DMD: variants seen among roughly 807,000 people sequenced by gnomAD.
DMD encodes dystrophin, also known as mutant dystrophin.
DMD carries 63 observed loss-of-function variants against 330.1 expected under a neutral mutation model. The ratio of observed to expected loss-of-function variants is 0.19; its 90% CI spans 0.16 to 0.24. The LOEUF is 0.24. Among genes scored for constraint, DMD ranks in the 10% least tolerant of loss-of-function variants. The pLI is 1.00. For missense variants in DMD, 3,344 were observed against 2,684.1 expected (o/e 1.25, Z -5.43); for synonymous variants, 1,223 against 959.8 (o/e 1.27, Z -5.07).
intron 60 of DMD, among the ~76,000 whole-genome samples, chrX:31,385,202 G>A (rs757772141): frequency 1.8e-5 from 2 of 111,610 alleles, no homozygotes; most frequent in Admixed American, 1.9e-4. Flanking sequence ...TATTCATTTA[G>A]CAGCCCTGCT....
intron 29 of DMD, among the ~76,000 whole-genome samples, chrX:32,432,358 C>T (rs1303976684): frequency 8.9e-6 from 1 of 111,799 alleles, no homozygotes; most frequent in African/African-American, 3.3e-5. Flanking sequence ...CTCCACCATA[C>T]AAATGTCAGT....
intron 47 of DMD, among the ~76,000 whole-genome samples, chrX:31,892,131 G>C (rs999312820): frequency 1.8e-5 from 2 of 112,007 alleles, no homozygotes; most frequent in African/African-American, 6.5e-5. Flanking sequence ...AATATTTCAA[G>C]TGGTAGACAT....
chrX:32,090,658 G>A (rs752920827), intron 44 of DMD, among the ~76,000 whole-genome samples: 1 of 111,948 alleles, frequency 8.9e-6, no homozygotes, highest in South Asian at 3.7e-4. Flanking sequence ...CATGAGATAA[G>A]TTTCTAAGTT....
At chrX:32,987,202 T>C (rs778682928) in intron 2 of DMD, among the ~76,000 whole-genome samples, 2 of 112,137 alleles carry the variant, frequency 1.8e-5, no homozygotes, top group Admixed American at 9.5e-5. Context: ...CTGACATCCC[T>C]ATGCCTGATC....
At chrX:32,589,279 T>A (rs1348290311) in intron 13 of DMD, among the ~76,000 whole-genome samples, 3 of 111,515 alleles carry the variant, frequency 2.7e-5, no homozygotes, top group Non-Finnish European at 5.6e-5. Context: ...TACAGTGTAT[T>A]CAAATCAGCA....
chrX:31,281,443 C>A (rs1203031392), intron 62 of DMD, among the ~76,000 whole-genome samples: 1 of 112,023 alleles, frequency 8.9e-6, no homozygotes. Context: ...TGATTCCCAG[C>A]AGCATGTTAT....
chrX:32,519,668 A>T (rs1241289473), intron 17 of DMD, among the ~76,000 whole-genome samples: 1 of 111,954 alleles, frequency 8.9e-6, no homozygotes, highest in Non-Finnish European at 1.9e-5. Flanking sequence ...AACTTCTAGG[A>T]ATTTTTTCAC....
chrX:32,295,367 C>T (rs761894544), intron 42 of DMD, among the ~76,000 whole-genome samples: 2 of 111,828 alleles, frequency 1.8e-5, no homozygotes, highest in South Asian at 3.7e-4. Context: ...CTTTTACAAC[C>T]GGCAGATGAA....
At chrX:32,989,282 C>T (rs945391184) in intron 2 of DMD, among the ~76,000 whole-genome samples, 3 of 111,486 alleles carry the variant, frequency 2.7e-5, no homozygotes, top group African/African-American at 9.8e-5. Flanking sequence ...CACTGCAAAA[C>T]CCTTCTCATC....
At chrX:31,542,901 C>T (rs964828957) in intron 55 of DMD, among the ~76,000 whole-genome samples, 2 of 112,645 alleles carry the variant, frequency 1.8e-5, no homozygotes, top group Non-Finnish European at 3.8e-5. Context: ...TTGCTAAATG[C>T]TCTTGAAACC....
At chrX:32,612,544 G>A (rs1431165774) in intron 12 of DMD, among the ~76,000 whole-genome samples, 5 of 111,463 alleles carry the variant, frequency 4.5e-5, no homozygotes, top group Non-Finnish European at 7.6e-5. Context: ...GGAAGCCAAC[G>A]GGTTGGACAC....
Position 31,172,390 on chromosome X carries a change from T to C in DMD, c.10352A>G (p.Asn3451Ser), listed in dbSNP as rs1201177282. 4 of 1,199,207 alleles carry C rather than the reference T, an allele frequency of 3.3e-6. No homozygotes were observed. Among genetic ancestry groups the C allele is most frequent in the African/African-American group, 3.5e-5 (2 of 57,154 alleles). Residue 3451 changes from asparagine to serine, a missense_variant, in exon 73 of 79, where the codon AAT becomes AGT. Transcript: ENST00000357033. The stretch of plus-strand genomic sequence containing the variant: ...GATGCTATCATTTAGATAAGATCCA[T>C]TGCTGTTTTCCATTTCTGCTAGCCT... Reference protein sequence around the residue: ...ASRLAEMENSNGSYLNDSISP... With the variant: ...ASRLAEMENSSGSYLNDSISP...
chrX:33,301,191 C>T (rs1467072209), intron 1 of DMD, among the ~76,000 whole-genome samples: 2 of 111,028 alleles, frequency 1.8e-5, no homozygotes, highest in East Asian at 5.7e-4. Context: ...AGTTTCCTTC[C>T]AAGTGGTATT....
chrX:31,266,866 T>C, intron 62 of DMD: 1 of 1,197,989 alleles, frequency 8.3e-7, no homozygotes, highest in South Asian at 1.8e-5. Flanking sequence ...TGGGTACGAG[T>C]GGAGGAGTGA....
intron 9 of DMD, among the ~76,000 whole-genome samples, chrX:32,662,005 A>T (rs2060978976): frequency 1.8e-5 from 2 of 111,907 alleles, no homozygotes; most frequent in African/African-American, 6.5e-5. Context: ...GGAAAGCAGA[A>T]ATGGAAAGAA....
intron 1 of DMD, among the ~76,000 whole-genome samples, chrX:33,204,595 G>A (rs1036004395): frequency 9.0e-5 from 10 of 111,229 alleles, no homozygotes; most frequent in Non-Finnish European, 1.1e-4. Context: ...AGTAGTTTGC[G>A]TGTGTGTGTA....
intron 55 of DMD, among the ~76,000 whole-genome samples, chrX:31,507,862 C>G (rs1436731934): frequency 1.8e-5 from 2 of 111,763 alleles, no homozygotes; most frequent in East Asian, 5.6e-4. Context: ...GTCATATTTT[C>G]TATTTACGTA....
chrX:31,990,228 A>G (rs930674191), intron 44 of DMD, among the ~76,000 whole-genome samples: 1 of 112,392 alleles, frequency 8.9e-6, no homozygotes, highest in Non-Finnish European at 1.9e-5. Context: ...CTTTTTTTCA[A>G]CTAAACACTT....
chrX:32,707,515 C>T (rs1022037958), intron 7 of DMD, among the ~76,000 whole-genome samples: 2 of 111,467 alleles, frequency 1.8e-5, no homozygotes, highest in African/African-American at 6.5e-5. Flanking sequence ...TTAAATAAGA[C>T]GTGTTTCAGT....
Sources: allele counts gnomAD v4.1 joint callset (sites outside exome capture counted in the v4.1 genomes callset), GRCh38; gene constraint gnomAD v4.1.1; transcripts MANE v1.5; gene names NCBI Gene and HGNC (gene_info 2026-07-23, HGNC 2026-07-21).